ITGA9: variants seen among roughly 807,000 people sequenced by gnomAD.
ITGA9 encodes integrin alpha-9.
A neutral mutation model predicts 127.8 loss-of-function variants in ITGA9; 56 were observed. That is an observed-to-expected ratio of 0.44 (90% CI 0.35 to 0.55). The LOEUF (loss-of-function observed/expected upper bound fraction) is 0.55. Among genes scored for constraint, ITGA9 ranks in the 20% least tolerant of loss-of-function variants. ITGA9 has a pLI of 0.00. For synonymous variants in ITGA9, 508 were observed against 514.5 expected (o/e 0.99, Z 0.17); for missense variants, 1,196 against 1,347.1 (o/e 0.89, Z 1.76).
chr3:37,816,657 T>C (rs1456078781), intron 27 of ITGA9, among the ~76,000 whole-genome samples: 1 of 152,192 alleles, frequency 6.6e-6, no homozygotes, highest in Non-Finnish European at 1.5e-5. Flanking sequence ...CAAGCACCTT[T>C]TCTTGCAGAG....
Position 37,586,056 on chromosome 3 carries a change from A to G in ITGA9, c.1690-43131A>G, listed in dbSNP as rs1403804126. Among the ~76,000 whole-genome samples, 3 of 152,366 alleles carry G rather than the reference A, an allele frequency of 2.0e-5. No individual in the cohort carries two copies. In the East Asian group the frequency reaches 5.8e-4, roughly 29 times the overall value. On this transcript the variant is annotated intron_variant, in intron 15 of 27. Coordinates refer to ENST00000264741, the MANE Select transcript of ITGA9 (RefSeq NM_002207.3). ...GATGGTGATGGTGGCAGACAAGAGC[A>G]TGTCACATTTAGAAATACTGTAACT...
chr3:37,718,765 A>T (rs1701160104), intron 18 of ITGA9, among the ~76,000 whole-genome samples: 1 of 152,228 alleles, frequency 6.6e-6, no homozygotes. Context: ...CAGCAAATGC[A>T]TGCCGACGCC....
rs764460656 is a variant in ITGA9, at chr3:37,818,953, T to C, written c.3072T>C (p.Asn1024=). 1.9e-6 allele frequency: 3 copies of C among 1,614,146 alleles called. No homozygotes were observed. Among genetic ancestry groups the C allele is most frequent in the Admixed American group, 3.3e-5 (2 of 60,026 alleles). ...IIEAEKNRKE[N]EDSWDWVQKN... The stretch of plus-strand genomic sequence containing the variant: ...AAGCTGAGAAGAACCGGAAAGAGAA[T>C]GAAGACAGTTGGGACTGGGTCCAGA... The change falls in exon 28 of 28, where the codon AAT becomes AAC. Residue 1024 remains asparagine, a synonymous_variant. Coordinates refer to ENST00000264741, the MANE Select transcript of ITGA9 (RefSeq NM_002207.3).
rs575994270 is a variant in ITGA9 at position 37,459,861 on chromosome 3, C to T, written c.185+7302C>T. On this transcript the variant is annotated intron_variant, in intron 1 of 27. Transcript: ENST00000264741. ...AATTGCAATAGCAGTAGCTTCTCTGCGGCACCCTTTGGGGATGCTTATTCA... is the reference window on the plus strand; with the variant it reads ...AATTGCAATAGCAGTAGCTTCTCTGTGGCACCCTTTGGGGATGCTTATTCA... Among the ~76,000 whole-genome samples the T allele has an allele frequency of 1.2e-4, 18 of 152,268 alleles. No individual in the cohort carries two copies. In the South Asian group the frequency reaches 1.7e-3, roughly 14 times the overall value.
At chr3:37,725,721 A>G (rs2125686127) in intron 18 of ITGA9, among the ~76,000 whole-genome samples, 1 of 152,362 alleles carries the variant, frequency 6.6e-6, no homozygotes, top group East Asian at 1.9e-4. Context: ...ACCATTACTA[A>G]GTAGAGGCTA....
At chr3:37,616,941 T>C (rs527901925) in intron 15 of ITGA9, among the ~76,000 whole-genome samples, 1,798 of 152,372 alleles carry the variant, frequency 0.012, 44 homozygotes, top group African/African-American at 0.041. Flanking sequence ...GTCTTTTAAT[T>C]GGAGCATTTA....
chr3:37,810,727 G>T (rs1252352565), intron 27 of ITGA9, among the ~76,000 whole-genome samples: 1 of 152,156 alleles, frequency 6.6e-6, no homozygotes, highest in Non-Finnish European at 1.5e-5. Flanking sequence ...CAACAACAGA[G>T]CCCTCACCTA....
chr3:37,712,665 C>G, intron 18 of ITGA9, among the ~76,000 whole-genome samples: 1 of 152,194 alleles, frequency 6.6e-6, no homozygotes, highest in East Asian at 1.9e-4. Flanking sequence ...TGGCTTCGTT[C>G]TCAAACAGGC....
intron 15 of ITGA9, among the ~76,000 whole-genome samples, chr3:37,561,125 G>A (rs1699483132): frequency 5.3e-5 from 8 of 152,158 alleles, no homozygotes; most frequent in Admixed American, 5.2e-4. Flanking sequence ...GAGGTACTGG[G>A]AGTTAGGACT....
rs1327457675 is a variant in ITGA9 at position 37,737,561 on chromosome 3, T to C, written c.2234+578T>C. ...AGCATGTGCCCGCCCCTCTCCAGGA[T>C]AGCCATGAGTGCCTGTGGGGGCTTC... On this transcript the variant is annotated intron_variant, in intron 20 of 27. Transcript: ENST00000264741. Among the ~76,000 whole-genome samples the C allele has an allele frequency of 5.9e-5, 9 of 152,310 alleles. No homozygotes were observed. In the East Asian group the frequency reaches 1.7e-3, roughly 30 times the overall value.
chr3:37,467,181 C>T (rs1366562108), intron 1 of ITGA9, among the ~76,000 whole-genome samples: 1 of 152,206 alleles, frequency 6.6e-6, no homozygotes, highest in Non-Finnish European at 1.5e-5. Context: ...TTCCCGCGTG[C>T]CACCTCGTGA....
At chr3:37,740,965 G>A (rs1696425949) in intron 20 of ITGA9, among the ~76,000 whole-genome samples, 2 of 152,130 alleles carry the variant, frequency 1.3e-5, no homozygotes, top group Admixed American at 6.5e-5. Flanking sequence ...TTTGGTCAGG[G>A]CCTCTTTCCT....
chr3:37,612,982 C>CT lies in ITGA9; in HGVS notation c.1690-16202dup, dbSNP rs1441288194. ...TTCTTTTTTTTTTTTTTTAATTATA[C>CT]TTTAAGTTTTAGGGTACATGTGCAC... is the stretch of plus-strand genomic sequence containing the variant. On this transcript the variant is annotated intron_variant, in intron 15 of 27. Coordinates refer to ENST00000264741, the MANE Select transcript of ITGA9 (RefSeq NM_002207.3). Among the ~76,000 whole-genome samples the CT allele has an allele frequency of 2.7e-5, 4 of 147,070 alleles. 1 individual carries two copies. Among genetic ancestry groups the CT allele is most frequent in the African/African-American group, 1.0e-4 (4 of 39,660 alleles).
intron 17 of ITGA9, among the ~76,000 whole-genome samples, chr3:37,662,385 C>T (rs1222312871): frequency 7.0e-6 from 1 of 143,718 alleles, no homozygotes; most frequent in Non-Finnish European, 1.6e-5. Flanking sequence ...CCTGGGTGAC[C>T]GGGGGCAAAA....
chr3:37,802,236 A>AG (rs11446462), intron 26 of ITGA9, among the ~76,000 whole-genome samples: 16,013 of 152,216 alleles, frequency 0.11, 1,782 homozygotes, highest in African/African-American at 0.28. Context: ...AAAAAAGCAT[A>AG]AACTGACACA....
At chr3:37,595,809 T>A (rs1294747978) in intron 15 of ITGA9, among the ~76,000 whole-genome samples, 1 of 152,214 alleles carries the variant, frequency 6.6e-6, no homozygotes, top group Non-Finnish European at 1.5e-5. Context: ...CAGAAGGCAA[T>A]CCAGCCCTCA....
At chr3:37,495,328 T>C (rs180959218) in intron 5 of ITGA9, among the ~76,000 whole-genome samples, 67 of 152,336 alleles carry the variant, frequency 4.4e-4, no homozygotes, top group Admixed American at 1.2e-3. Flanking sequence ...TGCATGCTTA[T>C]GTGCCCGTGT....
At chr3:37,550,699 T>C (rs992675787) in intron 15 of ITGA9, among the ~76,000 whole-genome samples, 12 of 152,230 alleles carry the variant, frequency 7.9e-5, no homozygotes, top group Non-Finnish European at 1.6e-4. Context: ...ATTTATTACA[T>C]TTATCTTAAT....
chr3:37,522,082 T>G (rs1394811957), intron 11 of ITGA9, among the ~76,000 whole-genome samples: 1 of 152,074 alleles, frequency 6.6e-6, no homozygotes, highest in Non-Finnish European at 1.5e-5. Flanking sequence ...CCTTCGTGAC[T>G]TCTCTGCAGG....
Sources: allele counts gnomAD v4.1 joint callset (sites outside exome capture counted in the v4.1 genomes callset), GRCh38; gene constraint gnomAD v4.1.1; transcripts MANE v1.5; gene names NCBI Gene and HGNC (gene_info 2026-07-23, HGNC 2026-07-21).